Variants in SLC25A26 observed in about 807,000 individuals in gnomAD.
The protein encoded by SLC25A26 is solute carrier family 25 member 26, also known as mitochondrial S-adenosylmethionine carrier protein.
Under a neutral mutation model 37.8 loss-of-function variants are expected in SLC25A26, and 36 were observed. That is an observed-to-expected ratio of 0.95 (90% CI 0.73 to 1.26). The LOEUF is 1.26. SLC25A26 is among the 50% of genes most tolerant of loss of function. The pLI, the probability that SLC25A26 is intolerant of heterozygous loss-of-function variation, is 0.00. For missense variants in SLC25A26, 390 were observed against 331.1 expected, an observed-to-expected ratio of 1.18 and a Z score of -1.38; for synonymous variants, 129 against 122.5, an observed-to-expected ratio of 1.05 and a Z score of -0.35.
intron 3 of SLC25A26, among the ~76,000 whole-genome samples, chr3:66,248,784 C>T (rs906398289): frequency 1.3e-5 from 2 of 152,164 alleles, no homozygotes; most frequent in Non-Finnish European, 2.9e-5. Context: ...TTTCTGACAG[C>T]CTCTAACAGT....
intron 1 of SLC25A26, among the ~76,000 whole-genome samples, chr3:66,153,937 T>A (rs988015087): frequency 2.0e-5 from 3 of 152,228 alleles, no homozygotes; most frequent in Non-Finnish European, 4.4e-5. Flanking sequence ...ATTTCTATCC[T>A]TTCTGTCCGT....
chr3:66,328,295 G>C (rs73131874), intron 5 of SLC25A26, among the ~76,000 whole-genome samples: 2,820 of 152,264 alleles, frequency 0.019, 48 homozygotes, highest in Non-Finnish European at 0.03. Flanking sequence ...TTTATAGTTA[G>C]ACTTCAACTA....
intron 1 of SLC25A26, among the ~76,000 whole-genome samples, chr3:66,167,536 T>C (rs548318748): frequency 2.0e-5 from 3 of 152,334 alleles, no homozygotes; most frequent in Non-Finnish European, 4.4e-5. Flanking sequence ...CATGCTTCTT[T>C]GACTTACAAC....
At chr3:66,293,345 C>T in intron 5 of SLC25A26, 1 of 151,988 alleles carries the variant, frequency 6.6e-6, no homozygotes, top group East Asian at 1.9e-4. Context: ...CCAAACACCC[C>T]TTTGGGGTTG....
chr3:66,137,158 A>G (rs1026672937), intron 1 of SLC25A26, among the ~76,000 whole-genome samples: 3 of 151,168 alleles, frequency 2.0e-5, no homozygotes, highest in Non-Finnish European at 2.9e-5. Flanking sequence ...ATGAGAAATC[A>G]CCATCTATGG....
intron 5 of SLC25A26, among the ~76,000 whole-genome samples, chr3:66,296,158 A>C (rs1297804322): frequency 1.3e-5 from 2 of 152,166 alleles, no homozygotes; most frequent in Non-Finnish European, 2.9e-5. Flanking sequence ...GGAGCCATCA[A>C]AGTTGGCAAG....
chr3:66,354,006 G>A (rs956150437), intron 6 of SLC25A26, among the ~76,000 whole-genome samples: 9 of 152,156 alleles, frequency 5.9e-5, no homozygotes, highest in Admixed American at 5.2e-4. Flanking sequence ...CTGTATCTAC[G>A]TTAACTGTTT....
chr3:66,333,191 A>C (rs144876048), intron 5 of SLC25A26, among the ~76,000 whole-genome samples: 1 of 152,186 alleles, frequency 6.6e-6, no homozygotes, highest in South Asian at 2.1e-4. Context: ...TTTAATCGGC[A>C]GACCAAGGTC....
upstream of SLC25A26, among the ~76,000 whole-genome samples, chr3:66,220,456 T>C (rs1553657831): frequency 6.6e-6 from 1 of 152,104 alleles, no homozygotes; most frequent in African/African-American, 2.4e-5. Context: ...GGTAAATAAC[T>C]GAACAAACAA....
chr3:66,147,320 C>T (rs550729173), intron 1 of SLC25A26, among the ~76,000 whole-genome samples: 7 of 151,308 alleles, frequency 4.6e-5, no homozygotes, highest in Admixed American at 2.0e-4. Context: ...CTCACCACCA[C>T]GTCCAGATAA....
intron 1 of SLC25A26, among the ~76,000 whole-genome samples, chr3:66,170,592 C>T (rs2070481138): frequency 1.3e-5 from 2 of 152,070 alleles, no homozygotes; most frequent in African/African-American, 2.4e-5. Context: ...ATCTAAGAAT[C>T]ATTGCCATTT....
intron 1 of SLC25A26, among the ~76,000 whole-genome samples, chr3:66,200,447 G>C (rs1289020696): frequency 6.6e-6 from 1 of 152,182 alleles, no homozygotes; most frequent in Non-Finnish European, 1.5e-5. Flanking sequence ...CACAGCTATG[G>C]ATCCAAGTGT....
intron 5 of SLC25A26, among the ~76,000 whole-genome samples, chr3:66,326,389 T>C (rs562171794): frequency 1.3e-5 from 2 of 152,368 alleles, no homozygotes; most frequent in Admixed American, 6.5e-5. Context: ...GTGGCTCTTC[T>C]TCCTGAGGAG....
intron 1 of SLC25A26, among the ~76,000 whole-genome samples, chr3:66,231,334 A>C (rs782708536): frequency 3.3e-5 from 5 of 152,178 alleles, no homozygotes; most frequent in Non-Finnish European, 7.3e-5. Context: ...AGTGGCTTCT[A>C]TATATCAAGT....
At chr3:66,189,439 C>T (rs2070893647) in intron 1 of SLC25A26, among the ~76,000 whole-genome samples, 1 of 151,928 alleles carries the variant, frequency 6.6e-6, no homozygotes. Context: ...TACGCTTAAC[C>T]TCTCCCTGTC....
chr3:66,220,126 A>T (rs1054832926), upstream of SLC25A26, among the ~76,000 whole-genome samples: 3 of 152,220 alleles, frequency 2.0e-5, no homozygotes, highest in Admixed American at 6.5e-5. Flanking sequence ...TGAGGGCATT[A>T]AGTATATTTT....
intron 1 of SLC25A26, among the ~76,000 whole-genome samples, chr3:66,206,692 G>A (rs967818983): frequency 1.3e-5 from 2 of 150,222 alleles, no homozygotes; most frequent in East Asian, 3.9e-4. Flanking sequence ...TCAGCAAGCA[G>A]TACTTACAGG....
intron 3 of SLC25A26, among the ~76,000 whole-genome samples, chr3:66,246,226 A>G (rs555800801): frequency 1.3e-5 from 2 of 152,300 alleles, no homozygotes; most frequent in Non-Finnish European, 1.5e-5. Flanking sequence ...TGGAGTATGT[A>G]TACTTACATT....
At chr3:66,283,248 A>G (rs2074404546) in intron 5 of SLC25A26, among the ~76,000 whole-genome samples, 1 of 152,068 alleles carries the variant, frequency 6.6e-6, no homozygotes, top group Non-Finnish European at 1.5e-5. Flanking sequence ...TGGTGAGTGT[A>G]TATTTAGCTT....
Sources: gnomAD v4.1 joint callset for allele counts (sites outside exome capture counted in the v4.1 genomes callset) on GRCh38, gnomAD v4.1.1 for gene constraint, MANE v1.5 for transcripts, NCBI Gene and HGNC (gene_info 2026-07-23, HGNC 2026-07-21) for gene names.